The following MACROD2 variants were observed in gnomAD, a reference collection of about 807,000 sequenced individuals.
The protein encoded by MACROD2 is mono-ADP ribosylhydrolase 2, also known as ADP-ribose glycohydrolase MACROD2.
In MACROD2, 36 loss-of-function variants were observed where a neutral mutation model predicts 70.4. That is an observed-to-expected ratio of 0.51 (90% CI 0.39 to 0.68). The LOEUF is 0.68. MACROD2 is among the 30% of genes least tolerant of loss of function. MACROD2 has a pLI of 0.00. For missense variants in MACROD2, 496 were observed against 538.4 expected, an observed-to-expected ratio of 0.92 and a Z score of 0.78; for synonymous variants, 172 against 178.8, an observed-to-expected ratio of 0.96 and a Z score of 0.30.
At chr20:14,680,436 C>T (rs899163114) in intron 4 of MACROD2, among the ~76,000 whole-genome samples, 2 of 152,160 alleles carry the variant, frequency 1.3e-5, no homozygotes, top group Middle Eastern at 3.2e-3. Flanking sequence ...GTAAAGACTA[C>T]ATCCTGGCAT....
intron 5 of MACROD2, among the ~76,000 whole-genome samples, chr20:14,944,377 T>C (rs2074413285): frequency 6.6e-6 from 1 of 152,186 alleles, no homozygotes; most frequent in African/African-American, 2.4e-5. Flanking sequence ...CCTTTCTTCA[T>C]GTAAGAAGAT....
chr20:14,611,772 A>G (rs370733454), intron 4 of MACROD2, among the ~76,000 whole-genome samples: 1 of 152,140 alleles, frequency 6.6e-6, no homozygotes, highest in Admixed American at 6.6e-5. Flanking sequence ...TAGGAGACTC[A>G]GAAACTTTGA....
At chr20:15,519,826 C>G (rs1268483958) in intron 8 of MACROD2, among the ~76,000 whole-genome samples, 1 of 152,168 alleles carries the variant, frequency 6.6e-6, no homozygotes. Context: ...GAAAGCCATT[C>G]TTGGAGTCAG....
chr20:15,406,810 A>C (rs1046394308), intron 6 of MACROD2, among the ~76,000 whole-genome samples: 5 of 152,218 alleles, frequency 3.3e-5, no homozygotes, highest in Non-Finnish European at 7.3e-5. Flanking sequence ...AGCTCAAGGC[A>C]CAGATCAAAC....
chr20:15,413,523 G>A (rs1314953212), intron 6 of MACROD2, among the ~76,000 whole-genome samples: 1 of 152,120 alleles, frequency 6.6e-6, no homozygotes, highest in Non-Finnish European at 1.5e-5. Flanking sequence ...GATGAAGGAA[G>A]GAAGACTTCC....
intron 5 of MACROD2, among the ~76,000 whole-genome samples, chr20:15,035,420 A>G (rs2075305371): frequency 8.4e-6 from 1 of 119,174 alleles, no homozygotes; most frequent in Non-Finnish European, 1.7e-5. Context: ...AATAAGTAAA[A>G]TAAAATAAAA....
intron 6 of MACROD2, among the ~76,000 whole-genome samples, chr20:15,396,009 A>T (rs1355905001): frequency 1.3e-5 from 2 of 152,226 alleles, no homozygotes; most frequent in African/African-American, 2.4e-5. Context: ...AATAACGTAC[A>T]TCAAGGAGGG....
chr20:15,086,735 T>G (rs2075751534), intron 5 of MACROD2, among the ~76,000 whole-genome samples: 1 of 152,134 alleles, frequency 6.6e-6, no homozygotes, highest in African/African-American at 2.4e-5. Flanking sequence ...AAGTTTTCCT[T>G]CTAACTGTGA....
intron 3 of MACROD2, among the ~76,000 whole-genome samples, chr20:14,428,591 A>G (rs983434368): frequency 2.0e-5 from 3 of 152,156 alleles, no homozygotes; most frequent in Non-Finnish European, 4.4e-5. Flanking sequence ...AAAATAAATT[A>G]TTTAAAAAGA....
chr20:15,165,424 C>A lies in MACROD2; in HGVS notation c.419-64516C>A, dbSNP rs530819347. On this transcript the variant is annotated intron_variant, in intron 5 of 17. Transcript: ENST00000684519. ...TGAGCCAAGATTGTGCCACTGCACTCTAGCTTGGGTGACAGAGCAAAACTG... is the reference window on the plus strand; with the variant it reads ...TGAGCCAAGATTGTGCCACTGCACTATAGCTTGGGTGACAGAGCAAAACTG... 7.2e-5 allele frequency among the ~76,000 whole-genome samples: 11 copies of A among 152,348 alleles called. No homozygotes were observed. The South Asian group carries it at 2.1e-3, about 29-fold the overall frequency.
At chr20:15,571,410 G>T (rs1445131799) in intron 8 of MACROD2, among the ~76,000 whole-genome samples, 1 of 134,250 alleles carries the variant, frequency 7.4e-6, no homozygotes, top group African/African-American at 2.5e-5. Flanking sequence ...GAAAATGTTT[G>T]CAGTTTCCCT....
chr20:14,077,157 A>G (rs964788240), intron 2 of MACROD2, among the ~76,000 whole-genome samples: 2 of 2,406 alleles, frequency 8.3e-4, no homozygotes, highest in Non-Finnish European at 4.0e-3. Context: ...GCAACCTTAG[A>G]CTTACATTAC....
At position 15,956,306 on chromosome 20, in the gene MACROD2, T is replaced by C. The variant is rs147863867; in HGVS notation, c.908-11247T>C. 3.3e-5 allele frequency among the ~76,000 whole-genome samples: 5 copies of C among 152,358 alleles called. No individual in the cohort carries two copies. In the East Asian group the frequency reaches 9.6e-4, roughly 29 times the overall value. On this transcript the variant is annotated intron_variant, in intron 12 of 17. Transcript: ENST00000684519. ...GATTCCACAGATTAGTTTGTTGTTC[T>C]TCTTCTTCTTATGAATGCATGCCAA... is the stretch of plus-strand genomic sequence containing the variant.
chr20:15,774,107 A>G (rs2051681594), intron 8 of MACROD2, among the ~76,000 whole-genome samples: 1 of 152,094 alleles, frequency 6.6e-6, no homozygotes, highest in Non-Finnish European at 1.5e-5. Flanking sequence ...TGGAGGTCAA[A>G]GGATTCTGCC....
chr20:14,914,175 CAT>C (rs766000185), intron 5 of MACROD2, among the ~76,000 whole-genome samples: 10 of 152,252 alleles, frequency 6.6e-5, no homozygotes, highest in African/African-American at 1.4e-4. Context: ...TCAGAGGAAA[CAT>C]GTGAGGAATT....
chr20:14,421,410 A>G (rs1462445672), intron 3 of MACROD2, among the ~76,000 whole-genome samples: 1 of 152,168 alleles, frequency 6.6e-6, no homozygotes, highest in Non-Finnish European at 1.5e-5. Context: ...TTATGAGTCT[A>G]TCCAGATTTT....
At chr20:15,737,071 G>C (rs990550140) in intron 8 of MACROD2, among the ~76,000 whole-genome samples, 3 of 152,146 alleles carry the variant, frequency 2.0e-5, no homozygotes, top group South Asian at 2.1e-4. Flanking sequence ...ATAAAGAATT[G>C]ATTGGCTTTG....
chr20:15,703,659 C>G (rs1349751199), intron 8 of MACROD2, among the ~76,000 whole-genome samples: 1 of 152,110 alleles, frequency 6.6e-6, no homozygotes, highest in Non-Finnish European at 1.5e-5. Context: ...TGGGGAGTGG[C>G]TTATTTTGGT....
chr20:14,187,633 A>G (rs1388248153), intron 3 of MACROD2, among the ~76,000 whole-genome samples: 1 of 152,220 alleles, frequency 6.6e-6, no homozygotes, highest in Non-Finnish European at 1.5e-5. Context: ...ATTTTGTTAA[A>G]TATGACATAA....
Sources: allele counts gnomAD v4.1 joint callset (sites outside exome capture counted in the v4.1 genomes callset), GRCh38; gene constraint gnomAD v4.1.1; transcripts MANE v1.5; gene names NCBI Gene and HGNC (gene_info 2026-07-23, HGNC 2026-07-21).